Variants in PPP3CA observed in about 807,000 individuals in gnomAD.
PPP3CA encodes the protein CAM-PRP catalytic subunit.
A neutral mutation model predicts 66.5 loss-of-function variants in PPP3CA; 14 were observed. The observed-to-expected ratio is 0.21, with a 90% CI of 0.14 to 0.33. The LOEUF is 0.33. Ranked by LOEUF, PPP3CA falls within the 10% of genes least tolerant of loss-of-function variation. PPP3CA has a pLI of 1.00. For synonymous variants in PPP3CA, 232 were observed against 226.2 expected (o/e 1.03, Z -0.23); for missense variants, 317 against 639.5 (o/e 0.50, Z 5.44).
chr4:101,341,285 A>G (rs1424232298), intron 1 of PPP3CA, among the ~76,000 whole-genome samples: 1 of 149,536 alleles, frequency 6.7e-6, no homozygotes, highest in Non-Finnish European at 1.5e-5. Flanking sequence ...TGCTAGGATT[A>G]TAGGTGTGAG....
At chr4:101,259,532 G>T (rs1200778150) in intron 1 of PPP3CA, among the ~76,000 whole-genome samples, 2 of 152,068 alleles carry the variant, frequency 1.3e-5, no homozygotes, top group Non-Finnish European at 2.9e-5. Context: ...TTTATTTTCT[G>T]GAGCTAAAAG....
chr4:101,057,000 T>G (rs973025899), intron 10 of PPP3CA, among the ~76,000 whole-genome samples: 2 of 152,156 alleles, frequency 1.3e-5, no homozygotes, highest in Non-Finnish European at 1.5e-5. Flanking sequence ...TCATGTTACA[T>G]TAAATGCTAG....
At chr4:101,201,104 G>T (rs1724953410) in intron 1 of PPP3CA, among the ~76,000 whole-genome samples, 1 of 151,870 alleles carries the variant, frequency 6.6e-6, no homozygotes, top group Admixed American at 6.6e-5. Context: ...AGAACATATT[G>T]GGCTAAATAA....
rs35434632 is a variant in PPP3CA at position 101,025,820 on chromosome 4, CAAAAAAAAA to C, written c.*36_*44del. 9.6e-4 allele frequency: 461 copies of C among 479,226 alleles called. 1 individual carries two copies. The highest frequency in any genetic ancestry group is 1.7e-3 in the African/African-American group (31 of 18,404). The allele number at this position is 479,226 out of a possible 1,614,324, so 29.7% of individuals were successfully genotyped here. A position where few individuals can be genotyped will look rare whatever the true frequency, so the allele number is the denominator to read the frequency against. On this transcript the variant is annotated 3_prime_UTR_variant, in exon 14 of 14. Transcript: ENST00000394854. ...GCAATCCCCATCATGCCCCGCAGCT[CAAAAAAAAA>C]AAAAAAAAAAAAAAAAAAAAGTGAA...
intron 1 of PPP3CA, among the ~76,000 whole-genome samples, chr4:101,306,526 T>C (rs1393519313): frequency 1.3e-5 from 2 of 151,964 alleles, no homozygotes; most frequent in African/African-American, 2.4e-5. Flanking sequence ...ATAATAGATA[T>C]ATGAGCTACA....
chr4:101,033,083 C>T (rs1727059690), intron 11 of PPP3CA, among the ~76,000 whole-genome samples: 1 of 151,934 alleles, frequency 6.6e-6, no homozygotes, highest in South Asian at 2.1e-4. Context: ...TTATTAATTA[C>T]TTGACACTAT....
At position 101,029,260 on chromosome 4, in the gene PPP3CA, G is replaced by C. The variant is rs1477533991; in HGVS notation, c.1340-65C>G. 8 of 1,329,794 alleles carry C rather than the reference G, an allele frequency of 6.0e-6. No homozygotes were observed. The African/African-American group carries it at 1.3e-4, about 21-fold the overall frequency. 82.4% of individuals were successfully genotyped at this position (1,329,794 alleles called of 1,614,324 possible). On this transcript the variant is annotated intron_variant, in intron 12 of 13. Coordinates refer to ENST00000394854, the MANE Select transcript of PPP3CA (RefSeq NM_000944.5). ...TGAGCAGAGGATTTTTTAACTCTAA[G>C]AACAAATCAGTGACCATCAAAGGAG...
At chr4:101,098,689 A>G (rs1730307747) in intron 4 of PPP3CA, among the ~76,000 whole-genome samples, 177 bp from the exon 5 acceptor site, 2 of 152,090 alleles carry the variant, frequency 1.3e-5, no homozygotes, top group African/African-American at 4.8e-5. Flanking sequence ...AATCTTTTAT[A>G]TCTAGTATTT....
chr4:101,251,257 G>T (rs573385590), intron 1 of PPP3CA, among the ~76,000 whole-genome samples: 22 of 152,106 alleles, frequency 1.4e-4, no homozygotes, highest in Admixed American at 1.2e-3. Context: ...AGAAAAAAAT[G>T]AAATATATTT....
At chr4:101,188,565 C>A (rs962937375) in intron 2 of PPP3CA, among the ~76,000 whole-genome samples, 5 of 151,986 alleles carry the variant, frequency 3.3e-5, no homozygotes, top group Non-Finnish European at 7.4e-5. Flanking sequence ...CTTCTTAAGA[C>A]TTTGTTATCT....
At chr4:101,230,430 T>C (rs559816745) in intron 1 of PPP3CA, among the ~76,000 whole-genome samples, 3 of 151,728 alleles carry the variant, frequency 2.0e-5, no homozygotes, top group East Asian at 3.9e-4. Context: ...AAAATATTGT[T>C]CATTTTTAAA....
chr4:101,206,954 A>C (rs963371175), intron 1 of PPP3CA, among the ~76,000 whole-genome samples: 1 of 152,208 alleles, frequency 6.6e-6, no homozygotes, highest in Non-Finnish European at 1.5e-5. Flanking sequence ...TGGATGCCAC[A>C]TGGTGTGGGG....
intron 2 of PPP3CA, among the ~76,000 whole-genome samples, chr4:101,157,803 T>C (rs1411765801): frequency 6.7e-6 from 1 of 148,406 alleles, no homozygotes; most frequent in Non-Finnish European, 1.5e-5. Flanking sequence ...ATCAGAATTG[T>C]ACGGTTCTGC....
intron 1 of PPP3CA, among the ~76,000 whole-genome samples, chr4:101,315,185 T>C (rs1728847748): frequency 6.6e-6 from 1 of 152,188 alleles, no homozygotes; most frequent in Non-Finnish European, 1.5e-5. Flanking sequence ...CCTTCCACCA[T>C]GTGAAGTTAC....
intron 1 of PPP3CA, among the ~76,000 whole-genome samples, chr4:101,211,589 T>C (rs78522029): frequency 5.3e-4 from 80 of 152,300 alleles, no homozygotes; most frequent in African/African-American, 1.9e-3. Context: ...AAAAGGTACA[T>C]ATTTTTTGTT....
At chr4:101,220,273 T>C (rs1725582439) in intron 1 of PPP3CA, among the ~76,000 whole-genome samples, 1 of 148,282 alleles carries the variant, frequency 6.7e-6, no homozygotes, top group Non-Finnish European at 1.5e-5. Context: ...CCCAAAGCTT[T>C]CTTTTTCAGA....
chr4:101,071,887 T>C (rs1007554215), intron 8 of PPP3CA, among the ~76,000 whole-genome samples: 17 of 152,218 alleles, frequency 1.1e-4, no homozygotes, highest in African/African-American at 4.1e-4. Flanking sequence ...GGCACAAAGA[T>C]ACAGAGATTA....
intron 1 of PPP3CA, among the ~76,000 whole-genome samples, chr4:101,327,274 G>A (rs1317240168): frequency 1.3e-5 from 2 of 152,096 alleles, no homozygotes; most frequent in African/African-American, 4.8e-5. Context: ...CAAATATTGT[G>A]ACTGAATGGG....
At chr4:101,212,622 T>G (rs891276844) in intron 1 of PPP3CA, among the ~76,000 whole-genome samples, 1 of 151,866 alleles carries the variant, frequency 6.6e-6, no homozygotes, top group Admixed American at 6.6e-5. Context: ...AATTTAAAAG[T>G]TGAAGGGGGA....
Sources: allele counts gnomAD v4.1 joint callset (sites outside exome capture counted in the v4.1 genomes callset), GRCh38; gene constraint gnomAD v4.1.1; transcripts MANE v1.5; gene names NCBI Gene and HGNC (gene_info 2026-07-23, HGNC 2026-07-21).